Variants in TPST1 observed in about 807,000 individuals in gnomAD.
TPST1 encodes protein-tyrosine sulfotransferase 1.
In TPST1, 20 loss-of-function variants were observed where a neutral mutation model predicts 34.8. The ratio of observed to expected loss-of-function variants is 0.57; its 90% CI spans 0.40 to 0.84. TPST1 has a LOEUF of 0.84. Ranked by LOEUF, TPST1 falls within the 40% of genes least tolerant of loss-of-function variation. The pLI, the probability that TPST1 is intolerant of heterozygous loss-of-function variation, is 0.00. For synonymous variants in TPST1, 152 were observed against 159.4 expected (o/e 0.95, Z 0.35); for missense variants, 353 against 455.5 (o/e 0.78, Z 2.05).
chr7:66,249,924 G>A (rs1305457735), intron 2 of TPST1, among the ~76,000 whole-genome samples: 1 of 152,200 alleles, frequency 6.6e-6, no homozygotes, highest in East Asian at 1.9e-4. Context: ...CCCTCTGTCT[G>A]GGATGTACTT....
intron 2 of TPST1, among the ~76,000 whole-genome samples, chr7:66,253,781 T>C (rs560684376): frequency 1.2e-3 from 184 of 150,838 alleles, no homozygotes; most frequent in Middle Eastern, 3.4e-3. Flanking sequence ...CTTATGCCTA[T>C]AATCCCAGCA....
intron 3 of TPST1, among the ~76,000 whole-genome samples, chr7:66,336,136 C>A (rs1792114920): frequency 6.6e-6 from 1 of 152,122 alleles, no homozygotes; most frequent in Non-Finnish European, 1.5e-5. Context: ...TGGTGAAACC[C>A]CATTTCTACT....
At chr7:66,322,905 A>G (rs1422694140) in intron 3 of TPST1, among the ~76,000 whole-genome samples, 1 of 151,326 alleles carries the variant, frequency 6.6e-6, no homozygotes, top group African/African-American at 2.4e-5. Flanking sequence ...GCTCACCAAC[A>G]CTTGTTATTT....
At chr7:66,207,916 A>G (rs746326207) in intron 1 of TPST1, among the ~76,000 whole-genome samples, 5 of 152,134 alleles carry the variant, frequency 3.3e-5, no homozygotes, top group African/African-American at 7.2e-5. Flanking sequence ...TAAGTCTAGC[A>G]TAGATCCTAT....
At chr7:66,320,499 G>A (rs532300468) in intron 3 of TPST1, among the ~76,000 whole-genome samples, 41 of 150,548 alleles carry the variant, frequency 2.7e-4, no homozygotes, top group South Asian at 1.7e-3. Flanking sequence ...TGCCCGCCTC[G>A]GCCTCCCAAA....
intron 2 of TPST1, among the ~76,000 whole-genome samples, chr7:66,266,127 C>T (rs545209673): frequency 3.3e-5 from 5 of 152,194 alleles, no homozygotes; most frequent in East Asian, 3.9e-4. Flanking sequence ...AAAAGGAGAC[C>T]GTCCAATAAT....
At chr7:66,226,761 A>G (rs1371560400) in intron 1 of TPST1, among the ~76,000 whole-genome samples, 1 of 152,200 alleles carries the variant, frequency 6.6e-6, no homozygotes, top group Non-Finnish European at 1.5e-5. Context: ...ACTAACAAGT[A>G]TGCTTGAATA....
intron 4 of TPST1, 104 bp downstream of exon 4, chr7:66,352,659 C>A: frequency 1.3e-6 from 2 of 1,548,708 alleles, no homozygotes; most frequent in Non-Finnish European, 8.6e-7. Flanking sequence ...AACAAGAAAA[C>A]CAAAAAGAAA....
intron 2 of TPST1, among the ~76,000 whole-genome samples, chr7:66,252,346 C>T (rs1374014588): frequency 7.0e-6 from 1 of 143,450 alleles, no homozygotes; most frequent in East Asian, 2.1e-4. Flanking sequence ...GCTTGAGCCA[C>T]CGCGCCCAGC....
intron 2 of TPST1, among the ~76,000 whole-genome samples, chr7:66,284,068 T>C (rs1790983867): frequency 2.6e-5 from 4 of 152,252 alleles, no homozygotes; most frequent in Admixed American, 6.5e-5. Context: ...TGAGAGGCCA[T>C]AGTTAACTGC....
chr7:66,278,511 G>A (rs1339422331), intron 2 of TPST1, among the ~76,000 whole-genome samples: 12 of 152,090 alleles, frequency 7.9e-5, no homozygotes, highest in Admixed American at 6.6e-4. Context: ...TGGGCCGGGC[G>A]CAGTGGCTCA....
At chr7:66,257,013 C>G (rs778526707) in intron 2 of TPST1, among the ~76,000 whole-genome samples, 1 of 152,172 alleles carries the variant, frequency 6.6e-6, no homozygotes, top group African/African-American at 2.4e-5. Flanking sequence ...GTGGCGCAGT[C>G]ATGGCTCACT....
chr7:66,332,520 G>A lies in TPST1; in HGVS notation c.1045-19985G>A, dbSNP rs111380516. On this transcript the variant is annotated intron_variant, in intron 3 of 5. Coordinates refer to ENST00000304842, the MANE Select transcript of TPST1 (RefSeq NM_003596.4). This position sits in a 1 kb window ranked among gnomAD's most constrained non-coding sequence, Gnocchi z 4.5. ...ACTCCTGACCTCAGGTGATCCACCC[G>A]CCTCGGCCTCCCAAAGTGCTAGGAT... Among the ~76,000 whole-genome samples the A allele has an allele frequency of 5.8e-3, 877 of 152,140 alleles. 13 individuals carry two copies. The highest frequency in any genetic ancestry group is 0.019 in the African/African-American group (809 of 41,514).
intron 3 of TPST1, among the ~76,000 whole-genome samples, chr7:66,316,191 AATT>A (rs2116159919): frequency 6.6e-6 from 1 of 152,170 alleles, no homozygotes; most frequent in East Asian, 1.9e-4. Context: ...AATATTTTAA[AATT>A]ATTTGTGTTC....
intron 5 of TPST1, chr7:66,358,997 T>G (rs1792637154): frequency 6.6e-6 from 1 of 152,242 alleles, no homozygotes; most frequent in South Asian, 2.1e-4. Flanking sequence ...GGATACTATC[T>G]TTCTTATCTT....
At chr7:66,292,904 T>G (rs1472483861) in intron 3 of TPST1, among the ~76,000 whole-genome samples, 1 of 152,082 alleles carries the variant, frequency 6.6e-6, no homozygotes, top group Non-Finnish European at 1.5e-5. Flanking sequence ...ATATTTTGAA[T>G]TAGAAAAATT....
intron 2 of TPST1, among the ~76,000 whole-genome samples, chr7:66,248,504 T>TG (rs35226613): frequency 1.5e-4 from 3 of 19,482 alleles, no homozygotes; most frequent in Non-Finnish European, 2.4e-4. Flanking sequence ...ACATTTAGTG[T>TG]TTTTTTTTTT....
At chr7:66,222,070 A>T (rs1160179554) in intron 1 of TPST1, among the ~76,000 whole-genome samples, 1 of 152,170 alleles carries the variant, frequency 6.6e-6, no homozygotes, top group Non-Finnish European at 1.5e-5. Context: ...AGATATCACT[A>T]GTTACCTATT....
At chr7:66,275,300 T>A (rs1445210002) in intron 2 of TPST1, among the ~76,000 whole-genome samples, 2 of 152,178 alleles carry the variant, frequency 1.3e-5, no homozygotes, top group Non-Finnish European at 2.9e-5. Flanking sequence ...GTACAGCCGT[T>A]ATGGAAAACA....
Sources: allele counts gnomAD v4.1 joint callset (sites outside exome capture counted in the v4.1 genomes callset), GRCh38; gene constraint gnomAD v4.1.1; non-coding constraint Gnocchi (gnomAD v3.1); transcripts MANE v1.5; gene names NCBI Gene and HGNC (gene_info 2026-07-23, HGNC 2026-07-21).